DGLUCY: variants seen among roughly 807,000 people sequenced by gnomAD.
DGLUCY encodes the protein D-glutamate cyclase, mitochondrial.
DGLUCY carries 58 observed loss-of-function variants against 58.5 expected under a neutral mutation model. The ratio of observed to expected loss-of-function variants is 0.99; its 90% CI spans 0.80 to 1.23. The LOEUF is 1.23. DGLUCY is among the 50% of genes most tolerant of loss of function. The pLI, the probability that DGLUCY is intolerant of heterozygous loss-of-function variation, is 0.00. For missense variants in DGLUCY, 779 were observed against 784.7 expected (o/e 0.99, Z 0.09); for synonymous variants, 325 against 314.1 (o/e 1.03, Z -0.37).
At chr14:91,103,758 G>T (rs2044533020), upstream of DGLUCY, among the ~76,000 whole-genome samples, 1 of 151,784 alleles carries the variant, frequency 6.6e-6, no homozygotes, top group Non-Finnish European at 1.5e-5. Context: ...GTCCTTCTCT[G>T]CTATCTCTTA....
chr14:91,198,464 C>T (rs146426502), intron 10 of DGLUCY, among the ~76,000 whole-genome samples: 1 of 151,486 alleles, frequency 6.6e-6, no homozygotes, highest in East Asian at 1.9e-4. Context: ...CCCACCTCAG[C>T]CTCCCAAGCA....
intron 1 of DGLUCY, among the ~76,000 whole-genome samples, chr14:91,135,640 A>C (rs1369767491): frequency 7.3e-6 from 1 of 136,682 alleles, no homozygotes; most frequent in Non-Finnish European, 1.5e-5. Flanking sequence ...ACAAGAGTGA[A>C]ACTCTGCCTC....
At chr14:91,168,944 G>A (rs113273652) in intron 4 of DGLUCY, among the ~76,000 whole-genome samples, 1,929 of 152,110 alleles carry the variant, frequency 0.013, 21 homozygotes, top group Middle Eastern at 0.031. Context: ...GAAATTAGCC[G>A]GGCATGGTGG....
At chr14:91,106,944 C>T (rs1256776529), upstream of DGLUCY, among the ~76,000 whole-genome samples, 3 of 152,144 alleles carry the variant, frequency 2.0e-5, no homozygotes, top group Non-Finnish European at 4.4e-5. Context: ...TACAATTCAT[C>T]CATTTAAAGT....
intron 1 of DGLUCY, among the ~76,000 whole-genome samples, chr14:91,108,487 TTG>T (rs34711327): frequency 0.014 from 1,079 of 74,860 alleles, 5 homozygotes; most frequent in Middle Eastern, 0.022. Context: ...CTTGAAGAAT[TTG>T]TGTGTGTGTG....
chr14:91,101,581 C>G (rs575300142), intron 1 of DGLUCY, among the ~76,000 whole-genome samples: 17 of 152,326 alleles, frequency 1.1e-4, no homozygotes, highest in Middle Eastern at 6.8e-3. Flanking sequence ...CACCCTAACA[C>G]TTCAGGGATG....
chr14:91,060,535 G>A (rs2043626714), exon 1 of DGLUCY: 2 of 1,224,328 alleles, frequency 1.6e-6, no homozygotes, highest in East Asian at 3.3e-5. Context: ...CAGGAGTCGG[G>A]GTGCGGCGGC....
intron 12 of DGLUCY, 82 bp downstream of exon 12, chr14:91,204,907 C>T: frequency 8.2e-6 from 13 of 1,584,840 alleles, no homozygotes; most frequent in Non-Finnish European, 1.0e-5. Context: ...GCCAGAAGCT[C>T]TTCTTCTCTG....
intron 1 of DGLUCY, among the ~76,000 whole-genome samples, chr14:91,061,270 C>T (rs933709625): frequency 1.3e-5 from 2 of 152,158 alleles, no homozygotes; most frequent in Admixed American, 1.3e-4. Flanking sequence ...AGTGTTTGTT[C>T]TTAAATAACA....
At chr14:91,101,779 G>T (rs909832222) in intron 1 of DGLUCY, among the ~76,000 whole-genome samples, 9 of 152,158 alleles carry the variant, frequency 5.9e-5, no homozygotes, top group Non-Finnish European at 1.3e-4. Context: ...CATGATCACA[G>T]TTCACTGCAG....
intron 1 of DGLUCY, among the ~76,000 whole-genome samples, chr14:91,135,641 ACT>A (rs1300708441): frequency 2.3e-5 from 3 of 128,120 alleles, no homozygotes; most frequent in African/African-American, 6.2e-5. Context: ...CAAGAGTGAA[ACT>A]CTGCCTCATT....
chr14:91,145,659 CA>C (rs2046977405), intron 1 of DGLUCY, among the ~76,000 whole-genome samples: 1 of 152,212 alleles, frequency 6.6e-6, no homozygotes, highest in Admixed American at 6.5e-5. Context: ...CCTGCATCTC[CA>C]GCAGTTATTG....
intron 3 of DGLUCY, among the ~76,000 whole-genome samples, 161 bp from the exon 4 acceptor site, chr14:91,167,064 A>G (rs932962431): frequency 2.0e-5 from 3 of 151,814 alleles, no homozygotes; most frequent in African/African-American, 4.8e-5. Context: ...GCTTGAACCC[A>G]GGAGGCGGAG....
chr14:91,143,997 A>G (rs569877876), intron 1 of DGLUCY, among the ~76,000 whole-genome samples: 1 of 152,178 alleles, frequency 6.6e-6, no homozygotes, highest in African/African-American at 2.4e-5. Flanking sequence ...TCTCTGCATT[A>G]GTTCCTCTGT....
chr14:91,137,649 C>T (rs2046421771), intron 1 of DGLUCY, among the ~76,000 whole-genome samples: 1 of 151,888 alleles, frequency 6.6e-6, no homozygotes, highest in South Asian at 2.1e-4. Flanking sequence ...CCCGCCTTAG[C>T]CTCCCAAAGT....
chr14:91,195,670 GTT>G (rs1207157314), intron 9 of DGLUCY, among the ~76,000 whole-genome samples: 6 of 120,636 alleles, frequency 5.0e-5, no homozygotes, highest in Non-Finnish European at 8.6e-5. Context: ...TTTGGGTTTT[GTT>G]TTTTTTTTTT....
chr14:91,196,198 A>G (rs992576642), intron 9 of DGLUCY, among the ~76,000 whole-genome samples, 177 bp from the exon 10 acceptor site: 5 of 152,214 alleles, frequency 3.3e-5, no homozygotes, highest in Non-Finnish European at 7.3e-5. Context: ...ACCCAGGACC[A>G]AAAGTAAACT....
At chr14:91,077,749 T>C (rs1376860158) in intron 1 of DGLUCY, among the ~76,000 whole-genome samples, 2 of 108,832 alleles carry the variant, frequency 1.8e-5, no homozygotes, top group African/African-American at 7.4e-5. Context: ...AGACTCTGTC[T>C]CAAAAAAAAA....
intron 1 of DGLUCY, among the ~76,000 whole-genome samples, chr14:91,083,929 T>C (rs1415128942): frequency 6.6e-6 from 1 of 152,146 alleles, no homozygotes; most frequent in Non-Finnish European, 1.5e-5. Context: ...AATGGCTTCA[T>C]AGCATAGACC....
Sources: allele counts gnomAD v4.1 joint callset (sites outside exome capture counted in the v4.1 genomes callset), GRCh38; gene constraint gnomAD v4.1.1; transcripts MANE v1.5; gene names NCBI Gene and HGNC (gene_info 2026-07-23, HGNC 2026-07-21).